STRN3: variants seen among roughly 807,000 people sequenced by gnomAD.
The protein encoded by STRN3 is striatin-3.
STRN3 carries 29 observed loss-of-function variants against 95.6 expected under a neutral mutation model. The ratio of observed to expected loss-of-function variants is 0.30; its 90% CI spans 0.23 to 0.41. STRN3 has a LOEUF of 0.41. Ranked by LOEUF, STRN3 falls within the 10% of genes least tolerant of loss-of-function variation. The probability of loss-of-function intolerance (pLI) is 1.00; values close to 1 mark genes in which losing one functional copy is unlikely to be tolerated. For missense variants in STRN3, 890 were observed against 972.1 expected, an observed-to-expected ratio of 0.92 and a Z score of 1.12; for synonymous variants, 331 against 357.6, an observed-to-expected ratio of 0.93 and a Z score of 0.84.
chr14:30,902,045 C>A (rs929272639), intron 16 of STRN3, among the ~76,000 whole-genome samples: 1 of 151,648 alleles, frequency 6.6e-6, no homozygotes, highest in Non-Finnish European at 1.5e-5. Flanking sequence ...GTGGTGCATG[C>A]CTGTAATCCC....
At chr14:31,017,776 G>A (rs1048560048) in intron 1 of STRN3, among the ~76,000 whole-genome samples, 7 of 151,904 alleles carry the variant, frequency 4.6e-5, no homozygotes, top group African/African-American at 1.2e-4. Context: ...ACACAAAAGC[G>A]AGCATACACA....
intron 13 of STRN3, among the ~76,000 whole-genome samples, chr14:30,908,300 T>A (rs1334971961): frequency 6.6e-6 from 1 of 152,224 alleles, no homozygotes; most frequent in African/African-American, 2.4e-5. Context: ...TTTCACTTCC[T>A]GTTTACTCTT....
chr14:30,954,475 T>A (rs1218998365), intron 3 of STRN3, among the ~76,000 whole-genome samples: 1 of 152,206 alleles, frequency 6.6e-6, no homozygotes, highest in East Asian at 1.9e-4. Context: ...TACTCTGACA[T>A]AAATAATTTT....
At chr14:30,911,664 T>A in intron 12 of STRN3, 113 bp downstream of exon 12, 2 of 922,064 alleles carry the variant, frequency 2.2e-6, no homozygotes, top group Non-Finnish European at 3.2e-6. Flanking sequence ...ATTATTCAAG[T>A]AATACATCTT....
chr14:30,946,331 C>T (rs901932548), intron 5 of STRN3, among the ~76,000 whole-genome samples: 1 of 151,456 alleles, frequency 6.6e-6, no homozygotes, highest in Admixed American at 6.6e-5. Context: ...CTGTTTAAGG[C>T]CAGGAGTTTG....
At chr14:30,963,674 T>G (rs1880325548) in intron 1 of STRN3, among the ~76,000 whole-genome samples, 2 of 152,134 alleles carry the variant, frequency 1.3e-5, no homozygotes, top group Admixed American at 1.3e-4. Flanking sequence ...CCTCCCAAAG[T>G]GCTGGGATTA....
intron 1 of STRN3, among the ~76,000 whole-genome samples, chr14:30,968,699 T>C (rs1880671996): frequency 1.3e-5 from 2 of 151,222 alleles, no homozygotes; most frequent in Non-Finnish European, 2.9e-5. Flanking sequence ...AAAAAGGTGT[T>C]TGCGGCAAGT....
intron 10 of STRN3, among the ~76,000 whole-genome samples, chr14:30,912,790 T>C (rs531795936): frequency 4.6e-5 from 7 of 152,116 alleles, no homozygotes; most frequent in Non-Finnish European, 1.0e-4. Context: ...TTTAGTCACT[T>C]ATATACTTAA....
chr14:30,952,866 A>C (rs1879720652), intron 3 of STRN3, among the ~76,000 whole-genome samples: 1 of 152,220 alleles, frequency 6.6e-6, no homozygotes, highest in Admixed American at 6.5e-5. Flanking sequence ...TACTAAAAAA[A>C]CAAGATATAC....
rs1372395277 is a variant in STRN3, at chr14:30,911,140, T to C, written c.1621A>G (p.Ile541Val). 6 of 1,613,808 alleles carry C rather than the reference T, an allele frequency of 3.7e-6. No homozygotes were observed. In the Admixed American group the frequency reaches 5.0e-5, roughly 13 times the overall value. ...AHIGPVLSLAISSNGEQCFSG... is the reference protein window; with the variant it reads ...AHIGPVLSLAVSSNGEQCFSG... ...AAACACTGTTCTCCATTAGAACTAA[T>C]AGCTAATGACAGAACAGGGCCGCTA... The change falls in exon 13 of 18, where the codon ATT becomes GTT. Residue 541 changes from isoleucine to valine, a missense_variant. Transcript: ENST00000357479.
chr14:30,906,602 C>T (rs931131677), intron 14 of STRN3, among the ~76,000 whole-genome samples: 8 of 151,956 alleles, frequency 5.3e-5, no homozygotes, highest in Non-Finnish European at 4.4e-5. Context: ...CTCCTGTTGT[C>T]CCTATGAGTA....
chr14:30,936,712 A>C lies in STRN3; in HGVS notation c.717-88T>G, dbSNP rs534377410. ...GGTTCCCATTTTAAATCAATTCTTAAAACTAGAGAGATTCGAATGACTACC... is the reference window on the plus strand; with the variant it reads ...GGTTCCCATTTTAAATCAATTCTTACAACTAGAGAGATTCGAATGACTACC... On this transcript the variant is annotated intron_variant, in intron 5 of 17. Transcript: ENST00000357479. The C allele has an allele frequency of 1.2e-5, 18 of 1,473,670 alleles. No homozygotes were observed. In the Admixed American group the frequency reaches 1.7e-4, roughly 14 times the overall value. The allele number at this position is 1,473,670 out of a possible 1,614,324, so 91.3% of individuals were successfully genotyped here. A position where few individuals can be genotyped will look rare whatever the true frequency, so the allele number is the denominator to read the frequency against.
At chr14:30,997,414 C>T (rs764130511) in intron 1 of STRN3, among the ~76,000 whole-genome samples, 3 of 152,164 alleles carry the variant, frequency 2.0e-5, no homozygotes, top group Non-Finnish European at 4.4e-5. Flanking sequence ...CTGCCTTAAT[C>T]ATCCTAGGCC....
intron 1 of STRN3, among the ~76,000 whole-genome samples, chr14:31,021,224 G>T (rs554540894): frequency 2.0e-5 from 3 of 152,084 alleles, no homozygotes; most frequent in African/African-American, 7.2e-5. Context: ...AAAACTAAAC[G>T]GAAGTTAGAA....
intron 1 of STRN3, chr14:30,964,337 A>G: frequency 6.6e-6 from 1 of 152,282 alleles, no homozygotes; most frequent in East Asian, 1.9e-4. Flanking sequence ...AGATTCTTCT[A>G]GCAATTTCCA....
chr14:30,945,042 T>C (rs1362663350), intron 5 of STRN3, among the ~76,000 whole-genome samples: 1 of 152,220 alleles, frequency 6.6e-6, no homozygotes, highest in Non-Finnish European at 1.5e-5. Context: ...ATCTGGTTTT[T>C]TCCCCATTTT....
chr14:30,984,142 C>G (rs1484777897), intron 1 of STRN3, among the ~76,000 whole-genome samples: 21 of 137,172 alleles, frequency 1.5e-4, no homozygotes, highest in Non-Finnish European at 2.7e-4. Flanking sequence ...CCCCAACCCC[C>G]CCCCACACAC....
At chr14:31,011,977 G>C (rs1463325929) in intron 1 of STRN3, among the ~76,000 whole-genome samples, 1 of 152,172 alleles carries the variant, frequency 6.6e-6, no homozygotes, top group African/African-American at 2.4e-5. Context: ...AGCTACTTGG[G>C]AGGCTGAAGC....
intron 7 of STRN3, among the ~76,000 whole-genome samples, chr14:30,933,551 T>C (rs1393019932): frequency 6.6e-6 from 1 of 152,082 alleles, no homozygotes; most frequent in Non-Finnish European, 1.5e-5. Context: ...TTTCCAACAT[T>C]GAATGTCTGC....
Sources: allele counts gnomAD v4.1 joint callset (sites outside exome capture counted in the v4.1 genomes callset), GRCh38; gene constraint gnomAD v4.1.1; transcripts MANE v1.5; gene names NCBI Gene and HGNC (gene_info 2026-07-23, HGNC 2026-07-21).